The following PLA2G6 variants were observed in gnomAD, a reference collection of about 807,000 sequenced individuals.
PLA2G6 encodes phospholipase A2 group VI.
A neutral mutation model predicts 83.8 loss-of-function variants in PLA2G6; 62 were observed. The ratio of observed to expected loss-of-function variants is 0.74; its 90% CI spans 0.60 to 0.91. The LOEUF is 0.91. Ranked by LOEUF, PLA2G6 falls within the 40% of genes least tolerant of loss-of-function variation. The pLI is 0.00. For synonymous variants in PLA2G6, 417 were observed against 449.8 expected (o/e 0.93, Z 0.92); for missense variants, 944 against 1,102.0 (o/e 0.86, Z 2.03).
chr22:38,114,306 G>A (rs886080926), intron 14 of PLA2G6, among the ~76,000 whole-genome samples: 1 of 151,450 alleles, frequency 6.6e-6, no homozygotes, highest in Non-Finnish European at 1.5e-5. Flanking sequence ...TCAGCATCCC[G>A]AGTAGCTGGG....
At chr22:38,153,822 G>T (rs2089671768) in intron 2 of PLA2G6, among the ~76,000 whole-genome samples, 1 of 152,182 alleles carries the variant, frequency 6.6e-6, no homozygotes, top group South Asian at 2.1e-4. Flanking sequence ...CTAAGTGTTG[G>T]CTGTGGGGTG....
chr22:38,129,590 G>T, intron 7 of PLA2G6, 28 bp from the exon 8 acceptor site: 2 of 1,548,628 alleles, frequency 1.3e-6, no homozygotes, highest in Non-Finnish European at 8.9e-7. Context: ...AGGATAAGAC[G>T]TGCAACTGCC....
Position 38,112,074 on chromosome 22 carries a change from A to T in PLA2G6, c.*87T>A. 1 of 1,463,876 alleles carries T rather than the reference A, an allele frequency of 6.8e-7. No homozygotes were observed. Among genetic ancestry groups the T allele is most frequent in the Non-Finnish European group, 9.3e-7 (1 of 1,069,834 alleles). The allele number at this position is 1,463,876 out of a possible 1,614,324, so 90.7% of individuals were successfully genotyped here. Reference sequence around the variant, plus strand: ...TGGACTCAGAGGTGCCTGGGCCCAGATCTGCCCGGGAGGGCAGTGGCTGGG... The same window carrying T: ...TGGACTCAGAGGTGCCTGGGCCCAGTTCTGCCCGGGAGGGCAGTGGCTGGG... On this transcript the variant is annotated 3_prime_UTR_variant, in exon 17 of 17. Transcript: ENST00000332509.
chr22:38,181,281 G>A (rs144523301), intron 1 of PLA2G6, among the ~76,000 whole-genome samples: 2 of 152,298 alleles, frequency 1.3e-5, no homozygotes, highest in East Asian at 1.9e-4. Context: ...AAAAAGCAGG[G>A]AGGAAAGGCA....
chr22:38,149,243 A>G (rs1279622429), intron 2 of PLA2G6: 2 of 152,234 alleles, frequency 1.3e-5, no homozygotes, highest in Non-Finnish European at 2.9e-5. Flanking sequence ...ATATGTGGAG[A>G]TAAGACATGA....
intron 14 of PLA2G6, among the ~76,000 whole-genome samples, chr22:38,114,097 C>T (rs992368670): frequency 6.6e-6 from 1 of 151,926 alleles, no homozygotes; most frequent in African/African-American, 2.4e-5. Context: ...GGGCTCTCAG[C>T]GAAGCTCAGG....
In PLA2G6 at chr22:38,112,041, C is replaced by T; in HGVS notation, c.*120G>A. The stretch of plus-strand genomic sequence containing the variant: ...CAGGCAGCTTGGCATTCTCCCAGGC[C>T]TGGTCTATGGACTCAGAGGTGCCTG... On this transcript the variant is annotated 3_prime_UTR_variant, in exon 17 of 17. Transcript: ENST00000332509. The T allele has an allele frequency of 8.3e-7, 1 of 1,208,302 alleles. No homozygotes were observed. Among genetic ancestry groups the T allele is most frequent in the Non-Finnish European group, 1.2e-6 (1 of 840,078 alleles). 74.8% of individuals were successfully genotyped at this position (1,208,302 alleles called of 1,614,324 possible).
chr22:38,135,172 CT>C, intron 5 of PLA2G6, 88 bp from the exon 6 acceptor site: 2 of 866,046 alleles, frequency 2.3e-6, no homozygotes, highest in Non-Finnish European at 3.9e-6. Context: ...TCATCTACTG[CT>C]TACAGAGAGC....
At chr22:38,121,170 G>A in intron 11 of PLA2G6, 1 of 423,886 alleles carries the variant, frequency 2.4e-6, no homozygotes, top group South Asian at 2.2e-5. Flanking sequence ...TTGAGGTCAG[G>A]AGTTTGAGAC....
chr22:38,154,457 G>C (rs2089697431), intron 2 of PLA2G6, among the ~76,000 whole-genome samples: 1 of 152,240 alleles, frequency 6.6e-6, no homozygotes, highest in Non-Finnish European at 1.5e-5. Context: ...AAGAGCCTCT[G>C]CCTGGTAATC....
rs370151752 is a variant in PLA2G6, at chr22:38,169,270, G to A, written c.157C>T (p.Arg53Cys). The change falls in exon 2 of 17, where the codon CGC becomes TGC. Residue 53 changes from arginine to cysteine, a missense_variant. Arg to Cys is a radical substitution (Grantham distance 180). Transcript: ENST00000332509. The stretch of plus-strand genomic sequence containing the variant: ...TTGACCAGGACGCAGTCCCAGGTGC[G>A]GTTGGGAGTGTTCTGGAACAGAATC... ...QLILFQNTPN[R>C]TWDCVLVNPR... 1.3e-5 allele frequency: 21 copies of A among 1,614,058 alleles called. No individual in the cohort carries two copies. The highest frequency in any genetic ancestry group is 1.6e-4 in the Middle Eastern group (1 of 6,084).
Position 38,123,292 on chromosome 22 carries a change from T to G in PLA2G6, c.1428-34A>C, listed in dbSNP as rs1159914894. 6.5e-7 allele frequency: 1 copy of G among 1,549,618 alleles called. No homozygotes were observed. The highest frequency in any genetic ancestry group is 1.4e-5 in the African/African-American group (1 of 73,096). ...GGAACAGCAGTGGGAGAGAGGAGGGTCCTGCCACAGCCCAGTACTTTACAT... is the reference window on the plus strand; with the variant it reads ...GGAACAGCAGTGGGAGAGAGGAGGGGCCTGCCACAGCCCAGTACTTTACAT... On this transcript the variant is annotated intron_variant, in intron 10 of 16. Coordinates refer to ENST00000332509, the MANE Select transcript of PLA2G6 (RefSeq NM_003560.4). This position sits in a 1 kb window ranked among gnomAD's most constrained non-coding sequence, Gnocchi z 4.1.
Position 38,156,947 on chromosome 22 carries a change from A to C in PLA2G6, c.210-11294T>G, listed in dbSNP as rs192137161. Among the ~76,000 whole-genome samples the C allele has an allele frequency of 1.3e-3, 205 of 152,300 alleles. 1 individual carries two copies. The highest frequency in any genetic ancestry group is 4.8e-3 in the African/African-American group (199 of 41,578). ...TGAAACAAATGATAATGGAAACACAACATATCAAAACCTGTGAGATACAGG... is the reference window on the plus strand; with the variant it reads ...TGAAACAAATGATAATGGAAACACACCATATCAAAACCTGTGAGATACAGG... On this transcript the variant is annotated intron_variant, in intron 2 of 16. Coordinates refer to ENST00000332509, the MANE Select transcript of PLA2G6 (RefSeq NM_003560.4).
At chr22:38,137,152 T>C (rs1282550073) in intron 5 of PLA2G6, 1 of 152,356 alleles carries the variant, frequency 6.6e-6, no homozygotes, top group Admixed American at 6.6e-5. Flanking sequence ...CTGTTCTCTA[T>C]TATTAGGGGT....
chr22:38,159,400 T>C (rs528301135), intron 2 of PLA2G6, among the ~76,000 whole-genome samples: 9 of 152,156 alleles, frequency 5.9e-5, no homozygotes, highest in Non-Finnish European at 1.3e-4. Flanking sequence ...CAGGGTCACA[T>C]GGTTTTACCC....
At chr22:38,171,324 T>C (rs2090432385) in intron 1 of PLA2G6, among the ~76,000 whole-genome samples, 1 of 152,206 alleles carries the variant, frequency 6.6e-6, no homozygotes. Flanking sequence ...AAATCCAAGC[T>C]TGGTTCTCGT....
At chr22:38,116,863 A>C (rs1022380849) in intron 12 of PLA2G6, among the ~76,000 whole-genome samples, 50 of 150,968 alleles carry the variant, frequency 3.3e-4, no homozygotes, top group African/African-American at 1.2e-3. Flanking sequence ...AAAAAAAAAA[A>C]AAAAAAAAAA....
intron 5 of PLA2G6, 70 bp from the exon 6 acceptor site, chr22:38,135,154 T>C: frequency 9.5e-7 from 1 of 1,049,804 alleles, no homozygotes; most frequent in Non-Finnish European, 1.5e-6. Flanking sequence ...AAGCCAGGAC[T>C]TGGAGCTTCA....
chr22:38,132,741 G>A lies in PLA2G6; in HGVS notation c.1077+90C>T. On this transcript the variant is annotated intron_variant, in intron 7 of 16. Transcript: ENST00000332509. The surrounding 1 kb of genome is among the most constrained non-coding windows in gnomAD (Gnocchi z 5.0). ...ATTTGGAGCAGCTGACGATAGGAGG[G>A]AGACAGTGGGGAGGAGGGCTCCAGT... 8.8e-7 allele frequency: 1 copy of A among 1,139,992 alleles called. No individual in the cohort carries two copies. The highest frequency in any genetic ancestry group is 1.3e-6 in the Non-Finnish European group (1 of 795,136). The allele number at this position is 1,139,992 out of a possible 1,614,324, so 70.6% of individuals were successfully genotyped here. A position where few individuals can be genotyped will look rare whatever the true frequency, so the allele number is the denominator to read the frequency against.
Sources: gnomAD v4.1 joint callset for allele counts (sites outside exome capture counted in the v4.1 genomes callset) on GRCh38, gnomAD v4.1.1 for gene constraint, Gnocchi (gnomAD v3.1) non-coding constraint, MANE v1.5 for transcripts, NCBI Gene and HGNC (gene_info 2026-07-23, HGNC 2026-07-21) for gene names.